Variants in RGS5 observed in about 807,000 individuals in gnomAD.
RGS5 encodes the protein regulator of G-protein signalling 5.
RGS5 carries 20 observed loss-of-function variants against 18.9 expected under a neutral mutation model. That is an observed-to-expected ratio of 1.06 (90% CI 0.74 to 1.54). The LOEUF (loss-of-function observed/expected upper bound fraction) is 1.54, where lower values mean the gene tolerates loss of function less well. RGS5 is among the 40% of genes most tolerant of loss of function. The probability of loss-of-function intolerance (pLI) is 0.00; values close to 1 mark genes in which losing one functional copy is unlikely to be tolerated. For synonymous variants in RGS5, 57 were observed against 76.2 expected (o/e 0.75, Z 1.31); for missense variants, 201 against 211.8 (o/e 0.95, Z 0.32).
chr1:163,290,130 A>G (rs1649243557), intron 2 of RGS5, among the ~76,000 whole-genome samples: 1 of 152,162 alleles, frequency 6.6e-6, no homozygotes, highest in South Asian at 2.1e-4. Flanking sequence ...GGACTGACCA[A>G]TCTCTCATGC....
At chr1:163,187,686 C>A (rs1457947944) in intron 1 of RGS5, among the ~76,000 whole-genome samples, 1 of 152,076 alleles carries the variant, frequency 6.6e-6, no homozygotes, top group East Asian at 1.9e-4. Flanking sequence ...AACTCCGCAC[C>A]CCCTCCCCCA....
rs956597421 is a variant in RGS5 at position 163,143,355 on chromosome 1, C to T, written c.*3987G>A. On this transcript the variant is annotated 3_prime_UTR_variant, in exon 5 of 5. Transcript: ENST00000313961. ...ATAGAATTGCCTACCCCTTGGGTTT[C>T]GATGCTTGGATGTTGGAGATTACAT... 2.0e-5 allele frequency: 3 copies of T among 152,114 alleles called. No individual in the cohort carries two copies. The highest frequency in any genetic ancestry group is 6.6e-5 in the Admixed American group (1 of 15,252). 9.4% of individuals were successfully genotyped at this position (152,114 alleles called of 1,614,324 possible). A position where few individuals can be genotyped will look rare whatever the true frequency, so the allele number is the denominator to read the frequency against.
chr1:163,294,262 C>A (rs1019962903), intron 2 of RGS5, among the ~76,000 whole-genome samples: 2 of 152,232 alleles, frequency 1.3e-5, no homozygotes, highest in Non-Finnish European at 1.5e-5. Context: ...GTCAGGATAT[C>A]CAGGTGTTTC....
chr1:163,292,863 G>GTT (rs35977531), intron 2 of RGS5, among the ~76,000 whole-genome samples: 4 of 151,814 alleles, frequency 2.6e-5, no homozygotes, highest in Non-Finnish European at 5.9e-5. Flanking sequence ...TTTTAATGGG[G>GTT]TTTTTTGGTT....
intron 2 of RGS5, among the ~76,000 whole-genome samples, chr1:163,261,746 A>G (rs1648442383): frequency 6.6e-6 from 1 of 152,226 alleles, no homozygotes; most frequent in African/African-American, 2.4e-5. Context: ...TCCTAGAATG[A>G]CAAACACAGA....
upstream of RGS5, among the ~76,000 whole-genome samples, chr1:163,219,298 T>C (rs750241203): frequency 6.6e-6 from 1 of 152,172 alleles, no homozygotes; most frequent in Non-Finnish European, 1.5e-5. Context: ...TAAAAAAGCA[T>C]AGTTTAGTTT....
At chr1:163,256,198 A>G (rs1184481414) in intron 2 of RGS5, among the ~76,000 whole-genome samples, 2 of 152,136 alleles carry the variant, frequency 1.3e-5, no homozygotes, top group East Asian at 1.9e-4. Context: ...ACATGATTGT[A>G]TATCTAGAAA....
At chr1:163,221,188 A>G (rs1337339589), upstream of RGS5, among the ~76,000 whole-genome samples, 3 of 152,134 alleles carry the variant, frequency 2.0e-5, no homozygotes, top group Non-Finnish European at 4.4e-5. Context: ...GTTGTATGGA[A>G]CAAGAAGACA....
At chr1:163,316,674 C>T (rs1039124328) in intron 1 of RGS5, among the ~76,000 whole-genome samples, 13 of 151,748 alleles carry the variant, frequency 8.6e-5, no homozygotes, top group Non-Finnish European at 1.6e-4. Flanking sequence ...ATATTGCTTT[C>T]GGTATTAAGT....
At chr1:163,259,888 G>A (rs1167563376) in intron 2 of RGS5, 1 of 152,300 alleles carries the variant, frequency 6.6e-6, no homozygotes, top group Non-Finnish European at 1.5e-5. Flanking sequence ...CTGAGGTACT[G>A]AGGTACTGAG....
chr1:163,246,549 C>T (rs1157754511), intron 2 of RGS5, among the ~76,000 whole-genome samples: 5 of 152,144 alleles, frequency 3.3e-5, no homozygotes, highest in Non-Finnish European at 5.9e-5. Context: ...CCAGCCTGGG[C>T]GACACAGTGA....
In RGS5 at chr1:163,262,167, TTTA is replaced by T. The variant is rs1418070583; in HGVS notation, c.-281+44063_-281+44065del. Among the ~76,000 whole-genome samples, 148 of 146,374 alleles carry T rather than the reference TTTA, an allele frequency of 1.0e-3. 4 individuals are homozygous for T. Among genetic ancestry groups the T allele is most frequent in the African/African-American group, 3.8e-3 (147 of 39,104 alleles). ...GTTTTGAAACTTTTTTTTTTTTTTT[TTTA>T]TTATACTCTAAGTTTTAGGGTACAT... On this transcript the variant is annotated intron_variant, in intron 2 of 5. Transcript: ENST00000618415.
At chr1:163,161,678 T>C (rs1657803108) in intron 3 of RGS5, 3 of 436,086 alleles carry the variant, frequency 6.9e-6, no homozygotes, top group Non-Finnish European at 1.3e-5. Flanking sequence ...GGAACACAAC[T>C]GCAATCATGA....
chr1:163,261,037 G>C (rs1648421027), intron 2 of RGS5, among the ~76,000 whole-genome samples: 1 of 152,228 alleles, frequency 6.6e-6, no homozygotes, highest in Admixed American at 6.5e-5. Context: ...TGGCAGTTAA[G>C]CTTGTATAAA....
At position 163,152,566 on chromosome 1, in the gene RGS5, G is replaced by A. The variant is rs764215537; in HGVS notation, c.368C>T (p.Thr123Met). 6.2e-6 allele frequency: 10 copies of A among 1,612,162 alleles called. No homozygotes were observed. The East Asian group carries it at 6.7e-5, about 11-fold the overall frequency. ...GAGACCAACCTCTTTAGGAGCCTCC[G>A]TTTGAATGAATTCTTCATAAATTTG... ...AKQIYEEFIQTEAPKEVNIDH... is the reference protein window; with the variant it reads ...AKQIYEEFIQMEAPKEVNIDH... The change falls in exon 4 of 5, where the codon ACG (threonine) becomes ATG (methionine). Residue 123 changes from threonine to methionine, a missense_variant. Transcript: ENST00000313961.
At chr1:163,314,820 A>T (rs1290617637) in intron 1 of RGS5, among the ~76,000 whole-genome samples, 1 of 152,140 alleles carries the variant, frequency 6.6e-6, no homozygotes, top group Non-Finnish European at 1.5e-5. Flanking sequence ...GCCTTCCATT[A>T]TGCGAGGGCA....
intron 2 of RGS5, among the ~76,000 whole-genome samples, chr1:163,233,220 A>C (rs934611107): frequency 6.6e-6 from 1 of 152,262 alleles, no homozygotes; most frequent in South Asian, 2.1e-4. Context: ...CAGGAGGTAC[A>C]TGATTAATGA....
intron 2 of RGS5, among the ~76,000 whole-genome samples, chr1:163,290,667 A>AAG: frequency 6.6e-6 from 1 of 152,246 alleles, no homozygotes; most frequent in East Asian, 1.9e-4. Flanking sequence ...AAAAAAAAAA[A>AAG]AAATGAATAT....
chr1:163,198,480 G>C (rs1659655456), intron 1 of RGS5, among the ~76,000 whole-genome samples: 1 of 152,032 alleles, frequency 6.6e-6, no homozygotes, highest in Non-Finnish European at 1.5e-5. Flanking sequence ...ATTTTAAGGA[G>C]GCCTCATATA....
Sources: allele counts gnomAD v4.1 joint callset (sites outside exome capture counted in the v4.1 genomes callset), GRCh38; gene constraint gnomAD v4.1.1; transcripts MANE v1.5; gene names NCBI Gene and HGNC (gene_info 2026-07-23, HGNC 2026-07-21).